ASAP3: variants seen among roughly 807,000 people sequenced by gnomAD.
ASAP3 encodes arf-GAP with SH3 domain, ANK repeat and PH domain-containing protein 3.
A neutral mutation model predicts 118.2 loss-of-function variants in ASAP3; 85 were observed. The ratio of observed to expected loss-of-function variants is 0.72; its 90% confidence interval spans 0.60 to 0.86. ASAP3 has a LOEUF of 0.86. Among genes scored for constraint, ASAP3 ranks in the 40% least tolerant of loss-of-function variants. ASAP3 has a pLI of 0.00. For synonymous variants in ASAP3, 432 were observed against 477.4 expected (o/e 0.90, Z 1.24); for missense variants, 1,026 against 1,175.0 (o/e 0.87, Z 1.85).
intron 10 of ASAP3, among the ~76,000 whole-genome samples, chr1:23,439,762 GA>G (rs1477745005): frequency 1.3e-5 from 2 of 152,164 alleles, no homozygotes; most frequent in Non-Finnish European, 2.9e-5. Flanking sequence ...TTGGTAGGTA[GA>G]AACATGAATA....
intron 1 of ASAP3, among the ~76,000 whole-genome samples, chr1:23,460,916 G>A (rs1641565268): frequency 6.6e-6 from 1 of 152,162 alleles, no homozygotes; most frequent in Non-Finnish European, 1.5e-5. Flanking sequence ...ATGAAAAGAT[G>A]CAGAGGAAAG....
intron 1 of ASAP3, among the ~76,000 whole-genome samples, chr1:23,471,736 A>G (rs925609877): frequency 6.6e-6 from 1 of 152,132 alleles, no homozygotes; most frequent in Non-Finnish European, 1.5e-5. Context: ...ATCAGACTGA[A>G]CTCAGTCAGG....
rs1640894850 is a variant in ASAP3 at position 23,442,171 on chromosome 1, CG to C, written c.671+14del. The C allele has an allele frequency of 1.3e-6, 2 of 1,585,216 alleles. No homozygotes were observed. Among genetic ancestry groups the C allele is most frequent in the Admixed American group, 1.8e-5 (1 of 54,358 alleles). ...ACTGGAAGGGTTAGTGGCAGGGACG[CG>C]GGAAGATACCTACTTGTGCTGGGCG... On this transcript the variant is annotated intron_variant, in intron 7 of 24. Transcript: ENST00000336689.
chr1:23,482,491 C>T (rs1360015446), intron 1 of ASAP3, among the ~76,000 whole-genome samples: 2 of 152,006 alleles, frequency 1.3e-5, no homozygotes, highest in Non-Finnish European at 2.9e-5. Context: ...CACTGTACTC[C>T]AGCCTGGGAG....
chr1:23,436,470 A>G lies in ASAP3; in HGVS notation c.1571+90T>C. 3 of 1,457,814 alleles carry G rather than the reference A, an allele frequency of 2.1e-6. No homozygotes were observed. Among genetic ancestry groups the G allele is most frequent in the South Asian group, 1.2e-5 (1 of 85,382 alleles). The allele number at this position is 1,457,814 out of a possible 1,614,324, so 90.3% of individuals were successfully genotyped here. On this transcript the variant is annotated intron_variant, in intron 16 of 24. Transcript: ENST00000336689. The surrounding 1 kb of genome is among the most constrained non-coding windows in gnomAD (Gnocchi z 4.2). ...GAGCCACTGCGCCCAGCCTCCCCAG[A>G]CTTCTGATCCAAGACTTTTCTACGA... is the stretch of plus-strand genomic sequence containing the variant.
In ASAP3 at chr1:23,441,218, C is replaced by G. The variant is rs1341580875; in HGVS notation, c.835-7G>C. The G allele has an allele frequency of 3.7e-6, 6 of 1,614,002 alleles. No individual in the cohort carries two copies. Among genetic ancestry groups the G allele is most frequent in the East Asian group, 4.5e-5 (2 of 44,890 alleles). Reference sequence around the variant, plus strand: ...TCTTCCGGCTCAGGTGTTCCTGTCCCTCGGACATGCAAAGGAGACCTCAGG... The same window carrying G: ...TCTTCCGGCTCAGGTGTTCCTGTCCGTCGGACATGCAAAGGAGACCTCAGG... On this transcript the variant is annotated splice_polypyrimidine_tract_variant and splice_region_variant and intron_variant, in intron 9 of 24. Transcript: ENST00000336689.
At chr1:23,455,376 C>G (rs940438286) in intron 3 of ASAP3, among the ~76,000 whole-genome samples, 8 of 152,272 alleles carry the variant, frequency 5.3e-5, no homozygotes, top group Admixed American at 3.9e-4. Flanking sequence ...GGAAGCAACC[C>G]GAGGCCACTG....
intron 1 of ASAP3, among the ~76,000 whole-genome samples, chr1:23,469,113 T>C (rs967784830): frequency 6.6e-6 from 1 of 152,014 alleles, no homozygotes; most frequent in Non-Finnish European, 1.5e-5. Context: ...GAGACCAGCC[T>C]GGGCAACATG....
chr1:23,431,004 G>T, intron 24 of ASAP3, 31 bp downstream of exon 24: 1 of 1,503,492 alleles, frequency 6.7e-7, no homozygotes, highest in Non-Finnish European at 8.9e-7. Flanking sequence ...CCCTGCCACC[G>T]CCCCTCAAAC....
intron 1 of ASAP3, among the ~76,000 whole-genome samples, chr1:23,478,998 C>A (rs1343442520): frequency 2.6e-5 from 4 of 152,184 alleles, no homozygotes; most frequent in Non-Finnish European, 5.9e-5. Context: ...CCTCCCACAC[C>A]ATAGGTCTCA....
intron 1 of ASAP3, 36 bp downstream of exon 1, chr1:23,483,969 G>A (rs891194668): frequency 3.2e-6 from 4 of 1,251,854 alleles, no homozygotes; most frequent in Non-Finnish European, 3.0e-6. Context: ...CAGGCCCGGC[G>A]CCGACCCCCG....
Position 23,433,124 on chromosome 1 carries a change from T to C in ASAP3, c.2276A>G (p.Asn759Ser). 1 of 1,613,540 alleles carries C rather than the reference T, an allele frequency of 6.2e-7. No individual in the cohort carries two copies. Among genetic ancestry groups the C allele is most frequent in the South Asian group, 1.1e-5 (1 of 91,058 alleles). The part of the protein sequence containing the change: ...EDCPPPLPVK[N>S]SSRTLVQGCA... ...CCCTTGGACCAAAGTCCGAGAAGAG[T>C]TTTTGACTGGCAAGGGCGGGGGACA... is the stretch of plus-strand genomic sequence containing the variant. Residue 759 changes from asparagine (N) to serine (S), a missense_variant, in exon 22 of 25, where the codon AAC becomes AGC. Asn to Ser is a conservative substitution (Grantham distance 46, BLOSUM62 1). Transcript: ENST00000336689.
chr1:23,440,133 T>C (rs1005000119), intron 10 of ASAP3, among the ~76,000 whole-genome samples: 2 of 151,590 alleles, frequency 1.3e-5, no homozygotes, highest in Non-Finnish European at 2.9e-5. Context: ...TGATTTTTTT[T>C]TTTTTTTTTA....
rs755792134 is a variant in ASAP3 at position 23,437,108 on chromosome 1, TGCCCCG to T, written c.1342+16_1342+21del. The T allele has an allele frequency of 1.2e-6, 2 of 1,601,538 alleles. No homozygotes were observed. Among genetic ancestry groups the T allele is most frequent in the Non-Finnish European group, 1.7e-6 (2 of 1,173,674 alleles). ...CTCCCCTCCACTTAAGCCTCCCTCC[TGCCCCG>T]GCCCCGGGGACCGACCTGCAGCCCC... On this transcript the variant is annotated intron_variant, in intron 14 of 24. Coordinates refer to ENST00000336689, the MANE Select transcript of ASAP3 (RefSeq NM_017707.4). The surrounding 1 kb of genome is among the most constrained non-coding windows in gnomAD (Gnocchi z 6.1).
intron 10 of ASAP3, among the ~76,000 whole-genome samples, chr1:23,440,465 C>A (rs1246249890): frequency 8.3e-6 from 1 of 119,980 alleles, no homozygotes; most frequent in Non-Finnish European, 1.6e-5. Flanking sequence ...CACGTCACTG[C>A]ACTCCAGCCT....
chr1:23,429,664 C>T lies in ASAP3; in HGVS notation c.*192G>A, dbSNP rs1040964501. The T allele has an allele frequency of 5.4e-6, 3 of 560,498 alleles. No individual in the cohort carries two copies. The highest frequency in any genetic ancestry group is 9.3e-6 in the Non-Finnish European group (3 of 322,586). The allele number at this position is 560,498 out of a possible 1,614,324, so 34.7% of individuals were successfully genotyped here. ...AGATAGGAAAGAACCGCCATCAGTC[C>T]TAACAGGGAAAGGCCATGTGTCCTT... On this transcript the variant is annotated 3_prime_UTR_variant, in exon 25 of 25. Transcript: ENST00000336689.
In ASAP3 at chr1:23,429,782, C is replaced by G. The variant is rs150396600; in HGVS notation, c.*74G>C. 81 of 1,444,268 alleles carry G rather than the reference C, an allele frequency of 5.6e-5. 1 individual carries two copies. The highest frequency in any genetic ancestry group is 7.5e-5 in the Non-Finnish European group (78 of 1,046,744). 89.5% of individuals were successfully genotyped at this position (1,444,268 alleles called of 1,614,324 possible). ...TCCAAGAGAACAAATGTCTCAGCTC[C>G]CCAGTTTTGTGAGCTCAAGTCCCAG... On this transcript the variant is annotated 3_prime_UTR_variant, in exon 25 of 25. Coordinates refer to ENST00000336689, the MANE Select transcript of ASAP3 (RefSeq NM_017707.4).
intron 1 of ASAP3, among the ~76,000 whole-genome samples, chr1:23,469,587 G>A (rs1389872609): frequency 6.6e-6 from 1 of 152,166 alleles, no homozygotes; most frequent in African/African-American, 2.4e-5. Flanking sequence ...GCCCGGAGCA[G>A]ATCACCCAAC....
rs1640440156 is a variant in ASAP3 at position 23,431,731 on chromosome 1, G to C, written c.2511C>G (p.Thr837=). 1 of 1,521,628 alleles carries C rather than the reference G, an allele frequency of 6.6e-7. No homozygotes were observed. Among genetic ancestry groups the C allele is most frequent in the South Asian group, 1.3e-5 (1 of 75,444 alleles). 94.3% of individuals were successfully genotyped at this position (1,521,628 alleles called of 1,614,324 possible). The change falls in exon 23 of 25, where the codon ACC becomes ACG. Residue 837 remains threonine (T), a synonymous_variant. Transcript: ENST00000336689. ...CGGGGAGGTACATCTCCGAAGGGGT[G>C]GTCCCGGATGTCAGGCTGGGTCTGG... The part of the protein sequence containing the change: ...GTSRPSLTSG[T]TPSEMYLPVR...
Sources: allele counts gnomAD v4.1 joint callset (sites outside exome capture counted in the v4.1 genomes callset), GRCh38; gene constraint gnomAD v4.1.1; non-coding constraint Gnocchi (gnomAD v3.1); transcripts MANE v1.5; gene names NCBI Gene and HGNC (gene_info 2026-07-23, HGNC 2026-07-21).